Variants in FAR1 observed in about 807,000 individuals in gnomAD.
FAR1 encodes fatty acyl-CoA reductase 1, also known as male sterility domain-containing protein 2.
FAR1 carries 22 observed loss-of-function variants against 61.1 expected under a neutral mutation model. That is an observed-to-expected ratio of 0.36 (90% confidence interval 0.26 to 0.51). FAR1 has a LOEUF of 0.51. Among genes scored for constraint, FAR1 ranks in the 20% least tolerant of loss-of-function variants. FAR1 has a pLI of 0.95. For synonymous variants in FAR1, 206 were observed against 209.7 expected, an observed-to-expected ratio of 0.98 and a Z score of 0.15; for missense variants, 359 against 626.9, an observed-to-expected ratio of 0.57 and a Z score of 4.56.
intron 5 of FAR1, among the ~76,000 whole-genome samples, chr11:13,711,309 G>A (rs975461437): frequency 1.3e-5 from 2 of 152,110 alleles, no homozygotes; most frequent in Non-Finnish European, 2.9e-5. Context: ...CAAAACCTAG[G>A]TCTGTGTAAT....
At chr11:13,680,028 A>G (rs1377963646) in intron 1 of FAR1, among the ~76,000 whole-genome samples, 2 of 152,194 alleles carry the variant, frequency 1.3e-5, no homozygotes, top group Non-Finnish European at 2.9e-5. Flanking sequence ...CATTATATCT[A>G]CTTCAATGGG....
At chr11:13,677,626 G>C (rs910986568) in intron 1 of FAR1, among the ~76,000 whole-genome samples, 3 of 152,218 alleles carry the variant, frequency 2.0e-5, no homozygotes, top group Non-Finnish European at 4.4e-5. Context: ...TGGAAAGGCT[G>C]GCTGGGGCTA....
chr11:13,724,876 T>A (rs1012652663), intron 10 of FAR1, among the ~76,000 whole-genome samples: 30 of 152,304 alleles, frequency 2.0e-4, no homozygotes, highest in African/African-American at 6.3e-4. Context: ...AAGCCTGTAC[T>A]GCCTGCAGAA....
At chr11:13,677,179 A>G (rs1459213918) in intron 1 of FAR1, among the ~76,000 whole-genome samples, 1 of 152,218 alleles carries the variant, frequency 6.6e-6, no homozygotes, top group Non-Finnish European at 1.5e-5. Flanking sequence ...CTGAAATGTT[A>G]TACCATAATG....
chr11:13,683,886 T>C (rs1848157622), intron 1 of FAR1, among the ~76,000 whole-genome samples: 1 of 152,236 alleles, frequency 6.6e-6, no homozygotes, highest in Non-Finnish European at 1.5e-5. Context: ...GTGTAGCAGC[T>C]AAAACATGGA....
intron 1 of FAR1, among the ~76,000 whole-genome samples, chr11:13,670,472 A>C (rs1158294163): frequency 6.6e-6 from 1 of 152,036 alleles, no homozygotes; most frequent in Non-Finnish European, 1.5e-5. Context: ...TTGTATTTTT[A>C]GTAGAGGCGG....
intron 9 of FAR1, among the ~76,000 whole-genome samples, chr11:13,719,519 A>G (rs928590645): frequency 5.9e-5 from 9 of 152,190 alleles, no homozygotes; most frequent in African/African-American, 1.9e-4. Flanking sequence ...ACTTGTTTAC[A>G]TAATAATTCT....
Position 13,724,267 on chromosome 11 carries a change from G to A in FAR1, c.1257+2408G>A, listed in dbSNP as rs574138471. ...TGTAGGCCTTAAATAGACAGTAGGG[G>A]CCGGGCGTGGTGGCTCACACCTGTA... On this transcript the variant is annotated intron_variant, in intron 10 of 11. Transcript: ENST00000354817. Among the ~76,000 whole-genome samples the A allele has an allele frequency of 6.9e-5, 10 of 145,134 alleles. No individual in the cohort carries two copies. The South Asian group carries it at 2.3e-3, about 33-fold the overall frequency.
intron 3 of FAR1, among the ~76,000 whole-genome samples, chr11:13,702,826 T>A (rs1000458506): frequency 1.3e-5 from 2 of 152,184 alleles, no homozygotes; most frequent in East Asian, 1.9e-4. Flanking sequence ...AAGGGAAGCT[T>A]TACAAGGAGG....
chr11:13,710,049 A>G (rs751620590), intron 4 of FAR1, among the ~76,000 whole-genome samples: 10 of 152,218 alleles, frequency 6.6e-5, no homozygotes, highest in Non-Finnish European at 1.2e-4. Flanking sequence ...TTTTTATAGC[A>G]TGCTTCAATT....
In FAR1 at chr11:13,728,867, C is replaced by T. The variant is rs1414569043; in HGVS notation, c.*93C>T. ...TAAGTCATCTCACTTTTTGTCAAGA[C>T]ATTAAACCATCTTAGATCGGAGTGT... On this transcript the variant is annotated 3_prime_UTR_variant, in exon 12 of 12. Coordinates refer to ENST00000354817, the MANE Select transcript of FAR1 (RefSeq NM_032228.6). 1.4e-5 allele frequency: 16 copies of T among 1,166,282 alleles called. No individual in the cohort carries two copies. Among genetic ancestry groups the T allele is most frequent in the Admixed American group, 2.1e-5 (1 of 47,694 alleles). 72.2% of individuals were successfully genotyped at this position (1,166,282 alleles called of 1,614,324 possible).
rs764130856 is a variant in FAR1 at position 13,732,061 on chromosome 11, A to G, written c.*3287A>G. 6.6e-6 allele frequency: 1 copy of G among 152,134 alleles called. No homozygotes were observed. The highest frequency in any genetic ancestry group is 1.9e-4 in the East Asian group (1 of 5,184). The allele number at this position is 152,134 out of a possible 1,614,324, so 9.4% of individuals were successfully genotyped here. On this transcript the variant is annotated 3_prime_UTR_variant, in exon 12 of 12. Transcript: ENST00000354817. ...AAAACTTTCCAAACTTTTGCATGAG[A>G]AACTAGAAAAAGGAATGTATGCCAC...
chr11:13,683,945 A>G (rs1434782499), intron 1 of FAR1, among the ~76,000 whole-genome samples: 1 of 152,244 alleles, frequency 6.6e-6, no homozygotes, highest in Non-Finnish European at 1.5e-5. Flanking sequence ...GGGTTTGTAC[A>G]ATAAATGATG....
At chr11:13,703,113 G>T (rs767397674) in intron 3 of FAR1, among the ~76,000 whole-genome samples, 1 of 152,182 alleles carries the variant, frequency 6.6e-6, no homozygotes, top group Admixed American at 6.5e-5. Context: ...GTTTGGGTCA[G>T]ACACTCTATA....
chr11:13,675,607 A>C (rs1181700711), intron 1 of FAR1, among the ~76,000 whole-genome samples: 2 of 152,154 alleles, frequency 1.3e-5, no homozygotes, highest in Non-Finnish European at 2.9e-5. Context: ...GTTCGTGGTT[A>C]ATTTTTTGGC....
At chr11:13,672,038 G>C (rs1848010937) in intron 1 of FAR1, among the ~76,000 whole-genome samples, 1 of 152,156 alleles carries the variant, frequency 6.6e-6, no homozygotes, top group Non-Finnish European at 1.5e-5. Context: ...ATAGCTGAGA[G>C]ACTCAGAACG....
chr11:13,723,415 G>A (rs1338813450), intron 10 of FAR1: 3 of 388,366 alleles, frequency 7.7e-6, no homozygotes, highest in African/African-American at 4.5e-5. Flanking sequence ...TTTATATTCT[G>A]TCTTACATTT....
At chr11:13,694,302 TACGC>T (rs1360875393) in intron 1 of FAR1, among the ~76,000 whole-genome samples, 1 of 152,190 alleles carries the variant, frequency 6.6e-6, no homozygotes, top group Non-Finnish European at 1.5e-5. Flanking sequence ...TTGGTGTTGA[TACGC>T]GAATATGACA....
intron 1 of FAR1, among the ~76,000 whole-genome samples, chr11:13,674,102 G>C (rs1408883130): frequency 6.6e-6 from 1 of 152,008 alleles, no homozygotes; most frequent in East Asian, 1.9e-4. Context: ...ATGAGGTCAG[G>C]AGTTCGATAC....
Sources: gnomAD v4.1 joint callset for allele counts (sites outside exome capture counted in the v4.1 genomes callset) on GRCh38, gnomAD v4.1.1 for gene constraint, MANE v1.5 for transcripts, NCBI Gene and HGNC (gene_info 2026-07-23, HGNC 2026-07-21) for gene names.